The following RNF17 variants were observed in gnomAD, a reference collection of about 807,000 sequenced individuals.
The protein encoded by RNF17 is spermatogenesis associated 23.
RNF17 carries 31 observed loss-of-function variants against 200.5 expected under a neutral mutation model. The ratio of observed to expected loss-of-function variants is 0.15; its 90% CI spans 0.12 to 0.21. The LOEUF (loss-of-function observed/expected upper bound fraction) is 0.21. Ranked by LOEUF, RNF17 falls within the 10% of genes least tolerant of loss-of-function variation. RNF17 has a pLI of 1.00. For missense variants in RNF17, 1,628 were observed against 1,905.1 expected (o/e 0.85, Z 2.71); for synonymous variants, 606 against 637.8 (o/e 0.95, Z 0.75).
At chr13:24,765,505 G>T (rs1879542121) in intron 1 of RNF17, among the ~76,000 whole-genome samples, 1 of 152,200 alleles carries the variant, frequency 6.6e-6, no homozygotes. Context: ...TGTGAGATGT[G>T]AGCCTCTGCA....
the RNF17 span, chr13:24,886,201 T>A: frequency 1.4e-6 from 1 of 706,686 alleles, no homozygotes; most frequent in Non-Finnish European, 2.2e-6. Context: ...ATTTTCATCC[T>A]ATGTGCCAAT....
the RNF17 span, among the ~76,000 whole-genome samples, chr13:24,750,222 T>C: frequency 6.6e-6 from 1 of 152,252 alleles, no homozygotes; most frequent in Non-Finnish European, 1.5e-5. Flanking sequence ...AAAATTTTGA[T>C]GGCACACTGT....
intron 3 of RNF17, among the ~76,000 whole-genome samples, chr13:24,776,928 A>G (rs909012267): frequency 6.6e-6 from 1 of 152,212 alleles, no homozygotes; most frequent in East Asian, 1.9e-4. Flanking sequence ...ATATATGTAT[A>G]ATGTCTGTTA....
At chr13:24,777,396 G>A (rs1313469024) in intron 3 of RNF17, among the ~76,000 whole-genome samples, 1 of 152,236 alleles carries the variant, frequency 6.6e-6, no homozygotes, top group Non-Finnish European at 1.5e-5. Context: ...AGCTGGGCAT[G>A]ATGGCTCATG....
intron 25 of RNF17, among the ~76,000 whole-genome samples, chr13:24,854,893 A>G (rs956718387): frequency 2.0e-5 from 3 of 152,198 alleles, no homozygotes; most frequent in African/African-American, 7.2e-5. Flanking sequence ...CACATTGCCC[A>G]TGATAAGAAG....
intron 31 of RNF17, 80 bp from the exon 32 acceptor site, chr13:24,870,491 T>G (rs374674651): frequency 3.1e-5 from 39 of 1,275,378 alleles, no homozygotes; most frequent in Middle Eastern, 5.0e-4. Context: ...GGAGGCTGTC[T>G]GCTACAGTAA....
chr13:24,830,319 G>A (rs534200855), intron 16 of RNF17, among the ~76,000 whole-genome samples, 165 bp from the exon 17 acceptor site: 58 of 152,158 alleles, frequency 3.8e-4, no homozygotes, highest in African/African-American at 1.3e-3. Context: ...CACTATGGAT[G>A]ATTTCGGGGT....
chr13:24,758,897 G>A, the RNF17 span, among the ~76,000 whole-genome samples: 1 of 151,796 alleles, frequency 6.6e-6, no homozygotes, highest in African/African-American at 2.4e-5. Flanking sequence ...CCAACATCGT[G>A]AAACCCCGTC....
intron 11 of RNF17, among the ~76,000 whole-genome samples, chr13:24,797,705 A>AGTGTGTGTGT (rs777888152): frequency 0.039 from 4,579 of 118,826 alleles, 126 homozygotes; most frequent in Non-Finnish European, 0.048. Flanking sequence ...AGAGACAAAG[A>AGTGTGTGTGT]GTGTGTGTGT....
chr13:24,887,096 G>A, the RNF17 span, among the ~76,000 whole-genome samples: 1 of 152,126 alleles, frequency 6.6e-6, no homozygotes, highest in Non-Finnish European at 1.5e-5. Flanking sequence ...AGATACTAGG[G>A]GAGGGATGTT....
rs774984864 is a variant in RNF17 at position 24,870,713 on chromosome 13, TTCC to T, written c.4427_4429del (p.Pro1476del). On this transcript the variant is annotated inframe_deletion, in exon 32 of 36. Transcript: ENST00000255324. ...AGGGTTAATAAGAAGGTAGAGGCGC[TTCC>T]TCCTCTGACGGATTTTAGAACAGGT... 11 of 1,614,066 alleles carry T rather than the reference TTCC, an allele frequency of 6.8e-6. No homozygotes were observed. In the African/African-American group the frequency reaches 1.2e-4, roughly 18 times the overall value.
At chr13:24,812,413 C>G (rs563372614) in intron 15 of RNF17, among the ~76,000 whole-genome samples, 6 of 151,970 alleles carry the variant, frequency 3.9e-5, no homozygotes, top group Non-Finnish European at 8.8e-5. Context: ...TTCCAGGTGC[C>G]GTCTGTCACC....
At chr13:24,852,000 A>G (rs963980012) in intron 24 of RNF17, among the ~76,000 whole-genome samples, 7 of 152,172 alleles carry the variant, frequency 4.6e-5, no homozygotes, top group African/African-American at 1.7e-4. Context: ...AAACAGGATG[A>G]GTAGCAAATA....
chr13:24,785,188 G>T (rs1017679035), intron 6 of RNF17, among the ~76,000 whole-genome samples: 1 of 124,182 alleles, frequency 8.1e-6, no homozygotes, highest in African/African-American at 3.0e-5. Flanking sequence ...GTTCATTTGC[G>T]AGCTCCTTTT....
the RNF17 span, among the ~76,000 whole-genome samples, chr13:24,757,987 T>G: frequency 6.6e-6 from 1 of 152,180 alleles, no homozygotes; most frequent in Non-Finnish European, 1.5e-5. Flanking sequence ...TGTCTCCTGA[T>G]AGTGTTCTCA....
chr13:24,787,797 C>G (rs1883314841), intron 6 of RNF17, among the ~76,000 whole-genome samples, 191 bp from the exon 7 acceptor site: 1 of 152,000 alleles, frequency 6.6e-6, no homozygotes, highest in African/African-American at 2.4e-5. Context: ...CCTCATTTAC[C>G]ATGTTATATG....
intron 15 of RNF17, among the ~76,000 whole-genome samples, chr13:24,818,871 T>C (rs1887706660): frequency 6.6e-6 from 1 of 152,260 alleles, no homozygotes; most frequent in East Asian, 1.9e-4. Context: ...GAGAGTTTAA[T>C]ACATTTACAT....
chr13:24,760,005 G>A (rs1380841429), upstream of RNF17, among the ~76,000 whole-genome samples: 1 of 152,134 alleles, frequency 6.6e-6, no homozygotes, highest in Admixed American at 6.5e-5. Flanking sequence ...AGCCAGGCGT[G>A]GGGAGCGCGC....
In RNF17 at chr13:24,853,943, A is replaced by T; in HGVS notation, c.3409A>T (p.Ile1137Phe). 6.2e-7 allele frequency: 1 copy of T among 1,614,084 alleles called. No homozygotes were observed. Among genetic ancestry groups the T allele is most frequent in the Non-Finnish European group, 8.5e-7 (1 of 1,179,958 alleles). ...GGAAGATTCAGTAGTTACTAACTGT[A>T]TTAAAACTAACTTTGACCCTGACAA... ...EQEDSVVTNCIKTNFDPDKKT... is the reference protein window; with the variant it reads ...EQEDSVVTNCFKTNFDPDKKT... Residue 1137 changes from isoleucine (I) to phenylalanine (F), a missense_variant, in exon 25 of 36, where the codon ATT (isoleucine) becomes TTT (phenylalanine). This residue lies in a region of RNF17 where 609 missense variants were observed against 681.9 expected (regional missense o/e 0.89). Coordinates refer to ENST00000255324, the MANE Select transcript of RNF17 (RefSeq NM_031277.3).
Sources: gnomAD v4.1 joint callset for allele counts (sites outside exome capture counted in the v4.1 genomes callset) on GRCh38, gnomAD v4.1.1 for gene constraint, gnomAD v4.1.1 regional missense constraint, MANE v1.5 for transcripts, NCBI Gene and HGNC (gene_info 2026-07-23, HGNC 2026-07-21) for gene names.